Variants in CACNA1G observed in about 807,000 individuals in gnomAD.
The protein encoded by CACNA1G is calcium voltage-gated channel subunit alpha1 G.
In CACNA1G, 67 loss-of-function variants were observed where a neutral mutation model predicts 219.4. The ratio of observed to expected loss-of-function variants is 0.31; its 90% CI spans 0.25 to 0.37. CACNA1G has a LOEUF of 0.37. Ranked by LOEUF, CACNA1G falls within the 10% of genes least tolerant of loss-of-function variation. CACNA1G has a pLI of 1.00. For synonymous variants in CACNA1G, 1,296 were observed against 1,345.3 expected (o/e 0.96, Z 0.80); for missense variants, 2,380 against 3,231.4 (o/e 0.74, Z 6.39).
intron 25 of CACNA1G, among the ~76,000 whole-genome samples, chr17:50,609,624 G>C (rs554646312): frequency 1.3e-5 from 2 of 152,222 alleles, no homozygotes; most frequent in Non-Finnish European, 2.9e-5. Flanking sequence ...GCGGACATCT[G>C]TTCTGATGAC....
At chr17:50,615,022 C>T (rs2050167844) in intron 26 of CACNA1G, among the ~76,000 whole-genome samples, 1 of 152,168 alleles carries the variant, frequency 6.6e-6, no homozygotes, top group Admixed American at 6.5e-5. Context: ...TCGATCTGGC[C>T]TTGCTGCGGA....
chr17:50,607,583 T>C, intron 24 of CACNA1G: 1 of 505,842 alleles, frequency 2.0e-6, no homozygotes, highest in South Asian at 2.7e-5. Context: ...AGACTGGGCT[T>C]GCATTCCCTC....
intron 16 of CACNA1G, 67 bp from the exon 17 acceptor site, chr17:50,599,361 G>C (rs547558240): frequency 7.3e-7 from 1 of 1,364,496 alleles, no homozygotes; most frequent in Non-Finnish European, 9.7e-7. Context: ...CCAGGAGACC[G>C]GGTGCACATG....
In CACNA1G at chr17:50,568,881, G is replaced by A. The variant is rs771649000; in HGVS notation, c.254G>A (p.Arg85His). The change falls in exon 2 of 38, where the codon CGC becomes CAC. Residue 85 changes from arginine (R) to histidine (H), a missense_variant. Physicochemically the swap from Arg to His is conservative, Grantham distance 29 (BLOSUM62 0). This residue lies in a region of CACNA1G where 64 missense variants were observed against 103.7 expected (regional missense o/e 0.62). Transcript: ENST00000359106. ...TTGACTGCCAGTACCTGGTTTGAGC[G>A]CATCAGCATGTTGGTCATCCTTCTC... ...LRTVCNPWFERISMLVILLNC... is the reference protein window; with the variant it reads ...LRTVCNPWFEHISMLVILLNC... The A allele has an allele frequency of 5.6e-6, 9 of 1,613,392 alleles. No homozygotes were observed. The highest frequency in any genetic ancestry group is 2.7e-5 in the African/African-American group (2 of 74,926).
At chr17:50,594,824 G>T (rs1329012955) in intron 13 of CACNA1G, among the ~76,000 whole-genome samples, 169 bp from the exon 14 acceptor site, 1 of 152,088 alleles carries the variant, frequency 6.6e-6, no homozygotes, top group African/African-American at 2.4e-5. Context: ...TTGAATTCTG[G>T]AAGGCTGTTC....
Position 50,626,000 on chromosome 17 carries a change from TC to T in CACNA1G, c.6400-12del. 6.3e-7 allele frequency: 1 copy of T among 1,583,642 alleles called. No individual in the cohort carries two copies. Among genetic ancestry groups the T allele is most frequent in the Non-Finnish European group, 8.6e-7 (1 of 1,160,418 alleles). On this transcript the variant is annotated splice_polypyrimidine_tract_variant and intron_variant, in intron 37 of 37. Transcript: ENST00000359106. The stretch of plus-strand genomic sequence containing the variant: ...GAGAGGAGACTGCTGGGCTGAGCCC[TC>T]CCCCACCCCATATAGGCAGCAATAA...
In CACNA1G at chr17:50,621,897, GT is replaced by G; in HGVS notation, c.6060+106del. On this transcript the variant is annotated intron_variant, in intron 35 of 37. Coordinates refer to ENST00000359106, the MANE Select transcript of CACNA1G (RefSeq NM_018896.5). This position sits in a 1 kb window ranked among gnomAD's most constrained non-coding sequence, Gnocchi z 4.6. ...AGGGTCCTGGGGCCGCCTCCTCTCAGTTTGCTGCCAGGCTCCACCCAGAGGC... is the reference window on the plus strand; with the variant it reads ...AGGGTCCTGGGGCCGCCTCCTCTCAGTTGCTGCCAGGCTCCACCCAGAGGC... The G allele has an allele frequency of 7.7e-7, 1 of 1,305,476 alleles. No homozygotes were observed. The highest frequency in any genetic ancestry group is 1.5e-5 in the African/African-American group (1 of 68,942). 80.9% of individuals were successfully genotyped at this position (1,305,476 alleles called of 1,614,324 possible).
At chr17:50,598,378 T>C (rs995078014) in intron 16 of CACNA1G, among the ~76,000 whole-genome samples, 1 of 152,254 alleles carries the variant, frequency 6.6e-6, no homozygotes. Flanking sequence ...GTTGATTCCA[T>C]ATATTGGCTA....
At position 50,603,509 on chromosome 17, in the gene CACNA1G, T is replaced by G. The variant is rs753376779; in HGVS notation, c.4169+310T>G. ...GCACAAGGGGCCACGAGCAGGACTC[T>G]CACAGTCTTCAGCTGCGGCTCTCCC... On this transcript the variant is annotated intron_variant, in intron 21 of 37. Coordinates refer to ENST00000359106, the MANE Select transcript of CACNA1G (RefSeq NM_018896.5). The surrounding 1 kb of genome is among the most constrained non-coding windows in gnomAD (Gnocchi z 6.4). 6.6e-6 allele frequency among the ~76,000 whole-genome samples: 1 copy of G among 152,146 alleles called. No homozygotes were observed. The highest frequency in any genetic ancestry group is 2.4e-5 in the African/African-American group (1 of 41,432).
chr17:50,575,988 C>A lies in CACNA1G; in HGVS notation c.1586C>A (p.Ser529Tyr), dbSNP rs1046584188. 1 of 1,553,580 alleles carries A rather than the reference C, an allele frequency of 6.4e-7. No individual in the cohort carries two copies. Among genetic ancestry groups the A allele is most frequent in the Non-Finnish European group, 8.7e-7 (1 of 1,148,888 alleles). The change falls in exon 8 of 38, where the codon TCC becomes TAC. Residue 529 changes from serine (S) to tyrosine (Y), a missense_variant. This residue lies in a region of CACNA1G where 434 missense variants were observed against 417.3 expected (regional missense o/e 1.04). Coordinates refer to ENST00000359106, the MANE Select transcript of CACNA1G (RefSeq NM_018896.5). ...PEIQDRDANG[S>Y]RRLMLPPPST... is the part of the protein sequence containing the mutation. Reference sequence around the variant, plus strand: ...ATCCAGGACAGGGATGCCAATGGGTCCCGCCGGCTCATGCTGCCACCACCC... The same window carrying A: ...ATCCAGGACAGGGATGCCAATGGGTACCGCCGGCTCATGCTGCCACCACCC...
Position 50,618,046 on chromosome 17 carries a change from A to T in CACNA1G, c.5227-2A>T, listed in dbSNP as rs2050958264. 6.2e-7 allele frequency: 1 copy of T among 1,613,654 alleles called. No individual in the cohort carries two copies. Among genetic ancestry groups the T allele is most frequent in the Admixed American group, 1.7e-5 (1 of 59,996 alleles). Reference sequence around the variant, plus strand: ...GTTTCTATTTCTTCTCCTTTTTTCCAGGTGGGGAACCTGGGACTTCTCTTC... The same window carrying T: ...GTTTCTATTTCTTCTCCTTTTTTCCTGGTGGGGAACCTGGGACTTCTCTTC... On this transcript the variant is annotated splice_acceptor_variant, in intron 30 of 37. Coordinates refer to ENST00000359106, the MANE Select transcript of CACNA1G (RefSeq NM_018896.5). LOFTEE classifies it high-confidence loss of function. The surrounding 1 kb of genome is among the most constrained non-coding windows in gnomAD (Gnocchi z 5.3).
intron 9 of CACNA1G, among the ~76,000 whole-genome samples, chr17:50,579,639 T>C (rs896137739): frequency 1.3e-5 from 2 of 152,148 alleles, no homozygotes; most frequent in African/African-American, 4.8e-5. Flanking sequence ...CTCCTGGGTG[T>C]TCTGGCCTCC....
chr17:50,576,142 C>A lies in CACNA1G; in HGVS notation c.1740C>A (p.Ser580=), dbSNP rs540574998. Residue 580 remains serine (S), a synonymous_variant, in exon 8 of 38, where the codon TCC becomes TCA. Coordinates refer to ENST00000359106, the MANE Select transcript of CACNA1G (RefSeq NM_018896.5). ...APPPRSPSEA[S]GRTVGSGKVY... is the part of the protein sequence containing the mutation. ...CTCCCAGGTCCCCATCTGAGGCATCCGGCAGGACTGTGGGCAGCGGGAAGG... is the reference window on the plus strand; with the variant it reads ...CTCCCAGGTCCCCATCTGAGGCATCAGGCAGGACTGTGGGCAGCGGGAAGG... 5.6e-6 allele frequency: 9 copies of A among 1,607,302 alleles called. No homozygotes were observed. The highest frequency in any genetic ancestry group is 2.2e-5 in the East Asian group (1 of 44,596).
At chr17:50,589,736 T>C (rs939050090) in intron 9 of CACNA1G, among the ~76,000 whole-genome samples, 2 of 152,112 alleles carry the variant, frequency 1.3e-5, no homozygotes, top group Non-Finnish European at 2.9e-5. Flanking sequence ...TTGCTGAAGG[T>C]CACAGAGTGA....
Position 50,626,651 on chromosome 17 carries a change from C to A in CACNA1G, c.7034C>A (p.Ala2345Asp). ...TCCAGCGACTCCAAGGATCCCTTGG[C>A]CTCTGGCCCCCCTGACAGCATGGCT... is the stretch of plus-strand genomic sequence containing the variant. ...APSSDSKDPLASGPPDSMAAS... is the reference protein window; with the variant it reads ...APSSDSKDPLDSGPPDSMAAS... The change falls in exon 38 of 38, where the codon GCC becomes GAC. Residue 2345 changes from alanine (A) to aspartate (D), a missense_variant. By Grantham distance (126) the Ala-to-Asp change is moderately radical. Around this residue, in one of 17 missense-constraint regions of CACNA1G, gnomAD observed 672 missense variants for 670.5 expected, o/e 1.00. Transcript: ENST00000359106. This position sits in a 1 kb window ranked among gnomAD's most constrained non-coding sequence, Gnocchi z 4.3. 1 of 1,613,214 alleles carries A rather than the reference C, an allele frequency of 6.2e-7. No homozygotes were observed. The highest frequency in any genetic ancestry group is 1.1e-5 in the South Asian group (1 of 91,066).
At chr17:50,591,027 C>T (rs938716957) in intron 10 of CACNA1G, among the ~76,000 whole-genome samples, 1 of 152,186 alleles carries the variant, frequency 6.6e-6, no homozygotes, top group Admixed American at 6.5e-5. Flanking sequence ...ACACCAGCAA[C>T]TTGCTTTAGG....
Position 50,609,803 on chromosome 17 carries a change from G to T in CACNA1G, c.4706-79G>T, listed in dbSNP as rs1413241180. The T allele has an allele frequency of 3.0e-6, 4 of 1,314,228 alleles. No individual in the cohort carries two copies. The African/African-American group carries it at 5.8e-5, about 19-fold the overall frequency. The allele number at this position is 1,314,228 out of a possible 1,614,324, so 81.4% of individuals were successfully genotyped here. A position where few individuals can be genotyped will look rare whatever the true frequency, so the allele number is the denominator to read the frequency against. ...CCATAGGCAGAGTGAGGTGGGAGCT[G>T]AGGGGAAGCCGCCCCTGAGGGGCCC... On this transcript the variant is annotated intron_variant, in intron 25 of 37. Coordinates refer to ENST00000359106, the MANE Select transcript of CACNA1G (RefSeq NM_018896.5).
At chr17:50,573,513 A>G (rs2039923737) in intron 7 of CACNA1G, 2 of 166,068 alleles carry the variant, frequency 1.2e-5, no homozygotes, top group African/African-American at 2.4e-5. Context: ...ATATCATTCA[A>G]TTCATCCCTT....
At chr17:50,566,309 C>T (rs2037828787) in intron 1 of CACNA1G, among the ~76,000 whole-genome samples, 1 of 151,196 alleles carries the variant, frequency 6.6e-6, no homozygotes, top group African/African-American at 2.4e-5. Flanking sequence ...GTGAAAGACC[C>T]CCCCCCCATC....
Sources: gnomAD v4.1 joint callset for allele counts (sites outside exome capture counted in the v4.1 genomes callset) on GRCh38, gnomAD v4.1.1 for gene constraint, gnomAD v4.1.1 regional missense constraint, Gnocchi (gnomAD v3.1) non-coding constraint, MANE v1.5 for transcripts, NCBI Gene and HGNC (gene_info 2026-07-23, HGNC 2026-07-21) for gene names.